CPAMD8: variants seen among roughly 807,000 people sequenced by gnomAD.
The protein encoded by CPAMD8 is C3 and PZP like alpha-2-macroglobulin domain containing 8, also known as C3 and PZP-like alpha-2-macroglobulin domain-containing protein 8.
A neutral mutation model predicts 224.7 loss-of-function variants in CPAMD8; 146 were observed. The observed-to-expected ratio is 0.65, with a 90% CI of 0.57 to 0.75. The LOEUF is 0.75. Ranked by LOEUF, CPAMD8 falls within the 30% of genes least tolerant of loss-of-function variation. CPAMD8 has a pLI of 0.00. For synonymous variants in CPAMD8, 966 were observed against 1,044.6 expected (o/e 0.92, Z 1.45); for missense variants, 2,301 against 2,537.5 (o/e 0.91, Z 2.00).
At chr19:16,937,826 G>C (rs1293860069) in intron 23 of CPAMD8, among the ~76,000 whole-genome samples, 1 of 151,814 alleles carries the variant, frequency 6.6e-6, no homozygotes, top group African/African-American at 2.4e-5. Context: ...CTAATTTTTT[G>C]TATTTTTAGT....
At chr19:17,020,214 TCCAC>T in intron 3 of CPAMD8, 113 bp downstream of exon 3, 1 of 763,266 alleles carries the variant, frequency 1.3e-6, no homozygotes, top group Non-Finnish European at 2.3e-6. Flanking sequence ...CCTCAGGTGA[TCCAC>T]CCACCTCGGC....
At chr19:16,904,649 T>A (rs971649265) in intron 30 of CPAMD8, 97 bp from the exon 31 acceptor site, 1 of 826,028 alleles carries the variant, frequency 1.2e-6, no homozygotes, top group Non-Finnish European at 2.1e-6. Context: ...AGAAAAGGTA[T>A]TGTGGGACCC....
At chr19:16,902,599 C>T in intron 35 of CPAMD8, 50 bp downstream of exon 35, 1 of 1,219,128 alleles carries the variant, frequency 8.2e-7, no homozygotes, top group Non-Finnish European at 1.2e-6. Flanking sequence ...ATCCTCTCCG[C>T]ACATTGCACC....
intron 34 of CPAMD8, 27 bp downstream of exon 34, chr19:16,903,534 A>G (rs1237743536): frequency 6.2e-7 from 1 of 1,613,752 alleles, no homozygotes; most frequent in South Asian, 1.1e-5. Flanking sequence ...CAAGCCCAAG[A>G]TCACCTCGTG....
intron 12 of CPAMD8, among the ~76,000 whole-genome samples, chr19:16,992,333 T>C (rs1056958488): frequency 1.3e-5 from 2 of 152,210 alleles, no homozygotes; most frequent in East Asian, 3.8e-4. Flanking sequence ...TCATGGCCTA[T>C]AATCCCTATG....
intron 13 of CPAMD8, among the ~76,000 whole-genome samples, chr19:16,984,591 AG>A (rs988263591): frequency 2.6e-5 from 4 of 152,242 alleles, no homozygotes; most frequent in African/African-American, 9.6e-5. Context: ...GGACACTGTC[AG>A]GAAAGTGAAA....
In CPAMD8 at chr19:16,945,681, T is replaced by G. The variant is rs868745997; in HGVS notation, c.2663-2A>C. ...TGTCTCCGTAAGCAAGGGCTTTGGC[T>G]GCAGAAATTTGATGTCTTGGTCTCA... On this transcript the variant is annotated splice_acceptor_variant, in intron 21 of 41. Transcript: ENST00000443236. LOFTEE classifies it high-confidence loss of function. The G allele has an allele frequency of 3.1e-5, 50 of 1,613,936 alleles. No individual in the cohort carries two copies. The highest frequency in any genetic ancestry group is 4.1e-5 in the Non-Finnish European group (48 of 1,179,902).
chr19:16,981,680 C>A (rs2055520370), intron 13 of CPAMD8, among the ~76,000 whole-genome samples: 1 of 152,198 alleles, frequency 6.6e-6, no homozygotes, highest in South Asian at 2.1e-4. Context: ...CCATGTCCAA[C>A]ACTTTGCCCT....
chr19:16,903,984 G>T, intron 32 of CPAMD8, 127 bp from the exon 33 acceptor site: 2 of 1,016,346 alleles, frequency 2.0e-6, no homozygotes, highest in Non-Finnish European at 2.9e-6. Context: ...TGGACCCAGT[G>T]CAGACACCCA....
chr19:16,930,688 C>T (rs997869251), intron 23 of CPAMD8, among the ~76,000 whole-genome samples: 6 of 152,212 alleles, frequency 3.9e-5, no homozygotes, highest in South Asian at 2.1e-4. Context: ...CCTCGTGGGC[C>T]ACAGACTAGC....
At chr19:16,992,375 A>C (rs1209800410) in intron 12 of CPAMD8, among the ~76,000 whole-genome samples, 2 of 152,206 alleles carry the variant, frequency 1.3e-5, no homozygotes, top group Non-Finnish European at 2.9e-5. Context: ...GGATGGCTTG[A>C]GTCCAGGAGT....
chr19:16,995,199 G>A (rs941893546), intron 11 of CPAMD8, among the ~76,000 whole-genome samples: 3 of 152,174 alleles, frequency 2.0e-5, no homozygotes, highest in Non-Finnish European at 4.4e-5. Context: ...AGGTTCCAAA[G>A]CAGAACAAGA....
At chr19:16,986,300 G>A (rs1277788236) in intron 13 of CPAMD8, among the ~76,000 whole-genome samples, 1 of 152,104 alleles carries the variant, frequency 6.6e-6, no homozygotes, top group Non-Finnish European at 1.5e-5. Context: ...ATGGCAGTTT[G>A]GTGGGTAGGA....
intron 23 of CPAMD8, among the ~76,000 whole-genome samples, chr19:16,937,415 G>A (rs1441488003): frequency 1.3e-5 from 2 of 152,224 alleles, no homozygotes; most frequent in East Asian, 1.9e-4. Context: ...TTACGTTTAA[G>A]TCCATGATCC....
At chr19:16,895,934 C>T (rs2051955494) in intron 41 of CPAMD8, 2 of 654,036 alleles carry the variant, frequency 3.1e-6, no homozygotes, top group Admixed American at 4.1e-5. Flanking sequence ...CACACGCGCG[C>T]GTGCGCCCGC....
At chr19:16,938,589 G>C in intron 22 of CPAMD8, 143 bp from the exon 23 acceptor site, 1 of 596,562 alleles carries the variant, frequency 1.7e-6, no homozygotes. Flanking sequence ...GTATCAGCAC[G>C]GTCACACCAA....
intron 15 of CPAMD8, among the ~76,000 whole-genome samples, chr19:16,976,934 C>A (rs1487752396): frequency 6.6e-6 from 1 of 151,936 alleles, no homozygotes; most frequent in African/African-American, 2.4e-5. Context: ...CTCAGCTACT[C>A]GGGAGGCTGA....
intron 41 of CPAMD8, chr19:16,894,927 C>CACA: frequency 6.2e-6 from 1 of 162,558 alleles, no homozygotes; most frequent in Non-Finnish European, 1.3e-5. Context: ...CTACAACACA[C>CACA]ACACACACAC....
chr19:16,959,176 CTT>C (rs1303892809), intron 18 of CPAMD8, among the ~76,000 whole-genome samples: 21 of 131,670 alleles, frequency 1.6e-4, no homozygotes, highest in Admixed American at 3.1e-4. Context: ...TTGCATTTCC[CTT>C]TTTTTTTTTT....
Sources: gnomAD v4.1 joint callset for allele counts (sites outside exome capture counted in the v4.1 genomes callset) on GRCh38, gnomAD v4.1.1 for gene constraint, MANE v1.5 for transcripts, NCBI Gene and HGNC (gene_info 2026-07-23, HGNC 2026-07-21) for gene names.